Variants in ZNF221 observed in about 807,000 individuals in gnomAD.
The protein encoded by ZNF221 is zinc finger protein 221.
ZNF221 carries 10 observed loss-of-function variants against 12.6 expected under a neutral mutation model. The observed-to-expected ratio is 0.79, with a 90% CI of 0.49 to 1.34. ZNF221 has a LOEUF of 1.34. ZNF221 is among the 40% of genes most tolerant of loss of function. The probability of loss-of-function intolerance (pLI) is 0.00; values close to 1 mark genes in which losing one functional copy is unlikely to be tolerated. For synonymous variants in ZNF221, 232 were observed against 244.0 expected (o/e 0.95, Z 0.46); for missense variants, 661 against 721.4 (o/e 0.92, Z 0.96).
chr19:43,954,759 A>C (rs567757668), intron 1 of ZNF221, among the ~76,000 whole-genome samples: 2 of 152,084 alleles, frequency 1.3e-5, no homozygotes, highest in Admixed American at 1.3e-4. Context: ...AGGTATGGGG[A>C]AAAAAATTGA....
intron 2 of ZNF221, 57 bp from the exon 3 acceptor site, chr19:43,964,893 C>G (rs1974910340): frequency 1.8e-5 from 29 of 1,611,298 alleles, no homozygotes; most frequent in Non-Finnish European, 2.2e-5. Flanking sequence ...TTAGTGCCAC[C>G]CTTCTTTGAA....
Position 43,967,155 on chromosome 19 carries a change from G to A in ZNF221, c.1653G>A (p.Met551Ile). ...KGYNSKFNLD[M>I]HQRVHGGERP... ...ACAACAGTAAATTTAATCTTGACAT[G>A]CACCAGAGGGTCCACGGGGGAGAGC... Residue 551 changes from methionine to isoleucine, a missense_variant, in exon 5 of 5, where the codon ATG becomes ATA. Physicochemically the swap from Met to Ile is conservative, Grantham distance 10. Coordinates refer to ENST00000587682, the MANE Select transcript of ZNF221 (RefSeq NM_001297588.2). The A allele has an allele frequency of 6.3e-7, 1 of 1,591,550 alleles. No individual in the cohort carries two copies. The highest frequency in any genetic ancestry group is 8.6e-7 in the Non-Finnish European group (1 of 1,166,706).
In ZNF221 at chr19:43,962,800, C is replaced by T. The variant is rs146575991; in HGVS notation, c.74C>T (p.Thr25Ile). 8 of 1,613,504 alleles carry T rather than the reference C, an allele frequency of 5.0e-6. No homozygotes were observed. Among genetic ancestry groups the T allele is most frequent in the Admixed American group, 3.3e-5 (2 of 59,990 alleles). Residue 25 changes from threonine (T) to isoleucine (I), a missense_variant, in exon 2 of 5, where the codon ACA becomes ATA. Transcript: ENST00000587682. ...KFPEVEGKMT[T>I]FKEAVTFKDV... ...CCTGAAGTAGAAGGAAAAATGACCACATTCAAAGTGAGTAGGGCTTGCCTC... is the reference window on the plus strand; with the variant it reads ...CCTGAAGTAGAAGGAAAAATGACCATATTCAAAGTGAGTAGGGCTTGCCTC...
At chr19:43,968,865 C>A (rs1000964383), downstream of ZNF221, among the ~76,000 whole-genome samples, 1 of 152,198 alleles carries the variant, frequency 6.6e-6, no homozygotes, top group Non-Finnish European at 1.5e-5. Flanking sequence ...AGGATCTTTG[C>A]AACCCACGGG....
chr19:43,962,823 C>T lies in ZNF221; in HGVS notation c.81+16C>T, dbSNP rs748896578. On this transcript the variant is annotated intron_variant, in intron 2 of 4. Transcript: ENST00000587682. The stretch of plus-strand genomic sequence containing the variant: ...CACATTCAAAGTGAGTAGGGCTTGC[C>T]TCTCTTGCTGTTAAAATTCCATCTT... 3 of 1,607,152 alleles carry T rather than the reference C, an allele frequency of 1.9e-6. No homozygotes were observed. Among genetic ancestry groups the T allele is most frequent in the Admixed American group, 3.4e-5 (2 of 59,446 alleles).
downstream of ZNF221, among the ~76,000 whole-genome samples, chr19:43,971,286 C>A (rs952077128): frequency 6.6e-6 from 1 of 152,156 alleles, no homozygotes; most frequent in African/African-American, 2.4e-5. Flanking sequence ...AAAACCATTA[C>A]CAGCCACTAC....
the ZNF221 span, among the ~76,000 whole-genome samples, chr19:43,975,682 C>G: frequency 6.6e-6 from 1 of 152,078 alleles, no homozygotes; most frequent in Non-Finnish European, 1.5e-5. Flanking sequence ...ACATGTACCC[C>G]TGAACTTAAA....
In ZNF221 at chr19:43,966,099, ATGTGGTGAGTG is replaced by A; in HGVS notation, c.600_610del (p.Cys200TrpfsTer24). ...CACACTCAGGAGAGAAATCTCATAC[ATGTGGTGAGTG>A]TGGAAAAAGCTTCTGTTACAGCCCA... is the stretch of plus-strand genomic sequence containing the variant. On this transcript the variant is annotated frameshift_variant, in exon 5 of 5. Coordinates refer to ENST00000587682, the MANE Select transcript of ZNF221 (RefSeq NM_001297588.2). LOFTEE classifies it low-confidence loss of function (END_TRUNC). The A allele has an allele frequency of 6.2e-7, 1 of 1,614,214 alleles. No homozygotes were observed. The highest frequency in any genetic ancestry group is 8.5e-7 in the Non-Finnish European group (1 of 1,180,026).
chr19:43,961,497 T>G (rs1974842020), intron 1 of ZNF221, among the ~76,000 whole-genome samples: 1 of 152,194 alleles, frequency 6.6e-6, no homozygotes, highest in Non-Finnish European at 1.5e-5. Flanking sequence ...GTAATATCAC[T>G]ATTAAATACT....
At chr19:43,978,479 A>ATT in the ZNF221 span, 1 of 152,318 alleles carries the variant, frequency 6.6e-6, no homozygotes, top group East Asian at 1.9e-4. Flanking sequence ...ATCAGATTAC[A>ATT]TTTTTAAATA....
At chr19:43,957,321 C>T (rs1255275799) in intron 1 of ZNF221, among the ~76,000 whole-genome samples, 1 of 152,112 alleles carries the variant, frequency 6.6e-6, no homozygotes, top group Non-Finnish European at 1.5e-5. Context: ...GCTGGGATTA[C>T]AGGCACACAC....
At chr19:43,970,040 A>T (rs1200364632), downstream of ZNF221, among the ~76,000 whole-genome samples, 1 of 152,136 alleles carries the variant, frequency 6.6e-6, no homozygotes, top group Non-Finnish European at 1.5e-5. Context: ...TCCCCCTGGG[A>T]CAGAGTTTCC....
chr19:43,966,522 T>C lies in ZNF221; in HGVS notation c.1020T>C (p.Cys340=). Residue 340 remains cysteine, a synonymous_variant, in exon 5 of 5, where the codon TGT becomes TGC. Transcript: ENST00000587682. ...MVHTGEKPFR[C]DTCGKNFRQR... ...ACACAGGAGAAAAACCATTCAGATG[T>C]GATACATGTGGCAAGAACTTTCGTC... 6.2e-7 allele frequency: 1 copy of C among 1,614,164 alleles called. No homozygotes were observed. Among genetic ancestry groups the C allele is most frequent in the Non-Finnish European group, 8.5e-7 (1 of 1,180,020 alleles).
chr19:43,973,822 C>G, the ZNF221 span, among the ~76,000 whole-genome samples: 29 of 152,164 alleles, frequency 1.9e-4, no homozygotes, highest in Admixed American at 4.6e-4. Context: ...CCATACTGCC[C>G]AAAGTAATTT....
chr19:43,981,201 A>T, the ZNF221 span, among the ~76,000 whole-genome samples: 1 of 152,248 alleles, frequency 6.6e-6, no homozygotes, highest in Non-Finnish European at 1.5e-5. Context: ...TATGTTATTT[A>T]AAAAACAAGA....
At position 43,966,305 on chromosome 19, in the gene ZNF221, C is replaced by T. The variant is rs1465945544; in HGVS notation, c.803C>T (p.Ala268Val). 1.2e-6 allele frequency: 2 copies of T among 1,613,262 alleles called. No homozygotes were observed. Among genetic ancestry groups the T allele is most frequent in the Admixed American group, 3.3e-5 (2 of 59,996 alleles). The change falls in exon 5 of 5, where the codon GCA becomes GTA. Residue 268 changes from alanine (A) to valine (V), a missense_variant. Transcript: ENST00000587682. The part of the protein sequence containing the change: ...QCGKGFHSRS[A>V]LNVHCKLHTG... The stretch of plus-strand genomic sequence containing the variant: ...GGGAAAGGCTTCCATAGTAGATCAG[C>T]ACTTAATGTTCATTGCAAATTGCAC...
At chr19:43,974,121 C>A in the ZNF221 span, among the ~76,000 whole-genome samples, 3 of 152,080 alleles carry the variant, frequency 2.0e-5, no homozygotes, top group African/African-American at 7.2e-5. Context: ...ATCTGATATT[C>A]AACAAACCTG....
At chr19:43,956,568 C>CTT (rs200285938) in intron 1 of ZNF221, among the ~76,000 whole-genome samples, 3,355 of 14,666 alleles carry the variant, frequency 0.23, 133 homozygotes, top group South Asian at 0.28. Flanking sequence ...AGGACCCTGG[C>CTT]TCTTGTCAAT....
downstream of ZNF221, among the ~76,000 whole-genome samples, chr19:43,968,489 G>C (rs1197748443): frequency 6.6e-6 from 1 of 152,204 alleles, no homozygotes; most frequent in Non-Finnish European, 1.5e-5. Flanking sequence ...AGCTTTGGCT[G>C]GGCTTCATAT....
Sources: gnomAD v4.1 joint callset for allele counts (sites outside exome capture counted in the v4.1 genomes callset) on GRCh38, gnomAD v4.1.1 for gene constraint, MANE v1.5 for transcripts, NCBI Gene and HGNC (gene_info 2026-07-23, HGNC 2026-07-21) for gene names.